Variants in CSMD1 observed in about 807,000 individuals in gnomAD.
The protein encoded by CSMD1 is CUB and Sushi multiple domains 1, also known as CUB and sushi domain-containing protein 1.
CSMD1 carries 213 observed loss-of-function variants against 417.5 expected under a neutral mutation model. The observed-to-expected ratio is 0.51, with a 90% CI of 0.46 to 0.57. The LOEUF is 0.57. Among genes scored for constraint, CSMD1 ranks in the 20% least tolerant of loss-of-function variants. CSMD1 has a pLI of 0.00. For synonymous variants in CSMD1, 2,862 were observed against 1,736.8 expected (o/e 1.65, Z -16.11); for missense variants, 6,923 against 4,529.7 (o/e 1.53, Z -15.17).
At chr8:4,938,009 C>G (rs879327217) in intron 1 of CSMD1, among the ~76,000 whole-genome samples, 1 of 152,114 alleles carries the variant, frequency 6.6e-6, no homozygotes, top group Non-Finnish European at 1.5e-5. Context: ...CTCCCTCATG[C>G]AATCTTTGTA....
At chr8:3,458,279 C>T (rs1816284458) in intron 12 of CSMD1, among the ~76,000 whole-genome samples, 1 of 152,146 alleles carries the variant, frequency 6.6e-6, no homozygotes, top group Non-Finnish European at 1.5e-5. Context: ...TCCGGCACCA[C>T]CTGCTCTCCT....
chr8:4,234,100 C>G (rs148165168), intron 3 of CSMD1, among the ~76,000 whole-genome samples: 1 of 152,284 alleles, frequency 6.6e-6, no homozygotes, highest in Non-Finnish European at 1.5e-5. Context: ...TACACAAGTA[C>G]ATCAAGTGCT....
intron 1 of CSMD1, among the ~76,000 whole-genome samples, chr8:4,671,654 G>T (rs1207307223): frequency 6.6e-6 from 1 of 152,124 alleles, no homozygotes; most frequent in East Asian, 1.9e-4. Flanking sequence ...GTTTTAAAAT[G>T]GAACTGTTTT....
intron 6 of CSMD1, among the ~76,000 whole-genome samples, chr8:3,710,331 C>G (rs1467308789): frequency 6.6e-6 from 1 of 152,136 alleles, no homozygotes; most frequent in African/African-American, 2.4e-5. Flanking sequence ...CACATACCCA[C>G]GACCAACTGG....
intron 5 of CSMD1, among the ~76,000 whole-genome samples, chr8:3,794,968 T>C (rs1391329999): frequency 1.3e-5 from 2 of 151,926 alleles, no homozygotes; most frequent in Non-Finnish European, 2.9e-5. Flanking sequence ...CTATCATGTA[T>C]AGCTATAGAT....
At position 4,244,310 on chromosome 8, in the gene CSMD1, T is replaced by A. The variant is rs1296377118; in HGVS notation, c.415+175643A>T. The stretch of plus-strand genomic sequence containing the variant: ...TCGGGAAACACTATGCAGTCTTGTC[T>A]CCATGCCTGAAACTTTGCCTGGAGC... On this transcript the variant is annotated intron_variant, in intron 3 of 69. Transcript: ENST00000635120. Among the ~76,000 whole-genome samples the A allele has an allele frequency of 3.9e-5, 6 of 152,272 alleles. No homozygotes were observed. In the East Asian group the frequency reaches 1.2e-3, roughly 29 times the overall value.
intron 26 of CSMD1, among the ~76,000 whole-genome samples, chr8:3,246,446 C>G (rs1799885434): frequency 6.6e-6 from 1 of 152,220 alleles, no homozygotes; most frequent in East Asian, 1.9e-4. Context: ...TCTCTGTTCA[C>G]CCCCATTCTC....
intron 28 of CSMD1, 144 bp from the exon 29 acceptor site, chr8:3,219,586 A>G (rs1041794161): frequency 1.8e-6 from 1 of 560,254 alleles, no homozygotes; most frequent in South Asian, 2.7e-5. Flanking sequence ...TAAATGTAGT[A>G]TGAATCAAAA....
intron 55 of CSMD1, among the ~76,000 whole-genome samples, chr8:2,974,834 T>C (rs936164970): frequency 6.6e-6 from 1 of 152,208 alleles, no homozygotes; most frequent in African/African-American, 2.4e-5. Flanking sequence ...GTCCCGTTTA[T>C]GAAGTTTTTG....
chr8:3,507,775 A>C (rs1250113548), intron 10 of CSMD1, among the ~76,000 whole-genome samples: 1 of 151,910 alleles, frequency 6.6e-6, no homozygotes, highest in African/African-American at 2.4e-5. Context: ...GCATTTTTTC[A>C]TGTGTTTTTT....
chr8:4,916,726 A>G (rs1296665648), intron 1 of CSMD1, among the ~76,000 whole-genome samples: 2 of 152,244 alleles, frequency 1.3e-5, no homozygotes, highest in African/African-American at 4.8e-5. Flanking sequence ...CTATTGTGAT[A>G]TCGCAAAGAA....
chr8:3,968,711 G>A (rs1183289907), intron 5 of CSMD1, among the ~76,000 whole-genome samples: 5 of 152,246 alleles, frequency 3.3e-5, no homozygotes, highest in Admixed American at 6.5e-5. Flanking sequence ...CAGGGTCTGT[G>A]TATTATCTAA....
At chr8:4,626,974 G>C (rs1402491968) in intron 2 of CSMD1, among the ~76,000 whole-genome samples, 1 of 152,096 alleles carries the variant, frequency 6.6e-6, no homozygotes, top group Non-Finnish European at 1.5e-5. Flanking sequence ...AAGTAGGTGA[G>C]TGTATTTATT....
chr8:3,286,826 A>C (rs1299354363), intron 25 of CSMD1, among the ~76,000 whole-genome samples: 2 of 151,998 alleles, frequency 1.3e-5, no homozygotes, highest in African/African-American at 4.8e-5. Flanking sequence ...TCTTTAGTTT[A>C]TTTAGATCCC....
chr8:4,071,939 C>A (rs529424822), intron 3 of CSMD1, among the ~76,000 whole-genome samples: 1 of 152,284 alleles, frequency 6.6e-6, no homozygotes, highest in African/African-American at 2.4e-5. Context: ...GCAGAACCTG[C>A]AGCCACAGTG....
intron 5 of CSMD1, among the ~76,000 whole-genome samples, chr8:3,989,543 T>C (rs1033674950): frequency 6.6e-6 from 1 of 152,332 alleles, no homozygotes; most frequent in South Asian, 2.1e-4. Flanking sequence ...ATGATCTATT[T>C]ATGATGCAGT....
intron 10 of CSMD1, among the ~76,000 whole-genome samples, chr8:3,519,689 A>G (rs764610436): frequency 4.6e-5 from 7 of 152,172 alleles, no homozygotes; most frequent in Non-Finnish European, 1.0e-4. Context: ...TGCTTCATTA[A>G]TTTAATGAAT....
intron 38 of CSMD1, among the ~76,000 whole-genome samples, chr8:3,159,265 C>G (rs546842357): frequency 6.6e-6 from 1 of 152,082 alleles, no homozygotes; most frequent in African/African-American, 2.4e-5. Flanking sequence ...TTGTTATAAA[C>G]GTTTCCGATG....
intron 5 of CSMD1, among the ~76,000 whole-genome samples, chr8:3,892,030 A>AT (rs75321915): frequency 0.91 from 138,985 of 152,012 alleles, 63,637 homozygotes; most frequent in East Asian, 0.97. Context: ...GCAAACAAAA[A>AT]AAAAAAAAAT....
Sources: gnomAD v4.1 joint callset for allele counts (sites outside exome capture counted in the v4.1 genomes callset) on GRCh38, gnomAD v4.1.1 for gene constraint, MANE v1.5 for transcripts, NCBI Gene and HGNC (gene_info 2026-07-23, HGNC 2026-07-21) for gene names.